PSME4: variants seen among roughly 807,000 people sequenced by gnomAD.
PSME4 encodes the protein proteasome activator complex subunit 4.
Under a neutral mutation model 253.9 loss-of-function variants are expected in PSME4, and 89 were observed. The observed-to-expected ratio is 0.35, with a 90% CI of 0.30 to 0.42. The LOEUF (loss-of-function observed/expected upper bound fraction) is 0.42. Among genes scored for constraint, PSME4 ranks in the 10% least tolerant of loss-of-function variants. The pLI is 1.00. For missense variants in PSME4, 2,014 were observed against 2,195.2 expected, an observed-to-expected ratio of 0.92 and a Z score of 1.65; for synonymous variants, 851 against 759.2, an observed-to-expected ratio of 1.12 and a Z score of -1.99.
At chr2:53,920,836 T>G in intron 18 of PSME4, 53 bp downstream of exon 18, 1 of 1,463,578 alleles carries the variant, frequency 6.8e-7, no homozygotes, top group Non-Finnish European at 9.5e-7. Context: ...TTTGAATCCC[T>G]TAAAACAAAA....
intron 3 of PSME4, among the ~76,000 whole-genome samples, chr2:53,940,726 GCAAA>G (rs1669351231): frequency 6.7e-6 from 1 of 150,152 alleles, no homozygotes; most frequent in South Asian, 2.1e-4. Context: ...GCGGTCAAAT[GCAAA>G]CAAACAATAT....
At chr2:53,919,350 G>A in intron 19 of PSME4, 104 bp from the exon 20 acceptor site, 1 of 1,365,000 alleles carries the variant, frequency 7.3e-7, no homozygotes, top group Non-Finnish European at 9.5e-7. Flanking sequence ...AAATGATTAA[G>A]GTAAAGAAAT....
chr2:53,898,584 T>G (rs1680246864), intron 29 of PSME4, among the ~76,000 whole-genome samples: 1 of 151,118 alleles, frequency 6.6e-6, no homozygotes, highest in Admixed American at 6.6e-5. Flanking sequence ...TTTTCCTGAA[T>G]GGACATGCAC....
chr2:53,919,021 C>G (rs1668183157), intron 20 of PSME4, 130 bp downstream of exon 20: 12 of 854,942 alleles, frequency 1.4e-5, no homozygotes, highest in Non-Finnish European at 2.0e-5. Context: ...GTATTTTTGA[C>G]CTTAACAGTG....
At chr2:53,885,617 C>G in intron 41 of PSME4, 73 bp downstream of exon 41, 1 of 1,106,412 alleles carries the variant, frequency 9.0e-7, no homozygotes, top group Non-Finnish European at 1.3e-6. Flanking sequence ...AGAACTTCAA[C>G]CATCAGATGA....
chr2:53,899,825 A>G, intron 29 of PSME4, 56 bp downstream of exon 29: 1 of 1,585,144 alleles, frequency 6.3e-7, no homozygotes, highest in Non-Finnish European at 8.6e-7. Flanking sequence ...CTCAAAAAAA[A>G]GCCAAAACTT....
At chr2:53,878,943 C>T (rs1301513411) in intron 41 of PSME4, among the ~76,000 whole-genome samples, 1 of 152,200 alleles carries the variant, frequency 6.6e-6, no homozygotes, top group Non-Finnish European at 1.5e-5. Flanking sequence ...TATTCATATA[C>T]TGCCTCCCCT....
chr2:53,872,790 A>G (rs1227420836), intron 43 of PSME4, among the ~76,000 whole-genome samples: 1 of 150,034 alleles, frequency 6.7e-6, no homozygotes, highest in East Asian at 1.9e-4. Context: ...AAAATGTTCT[A>G]AAAGAAGCTC....
intron 3 of PSME4, among the ~76,000 whole-genome samples, chr2:53,942,918 G>A (rs1222105152): frequency 2.0e-5 from 3 of 152,186 alleles, no homozygotes; most frequent in Non-Finnish European, 4.4e-5. Context: ...ATGATTCTGT[G>A]TGAATTTTCC....
chr2:53,921,854 C>A (rs146509664), intron 17 of PSME4, among the ~76,000 whole-genome samples: 1 of 86,956 alleles, frequency 1.2e-5, no homozygotes. Flanking sequence ...GGCGACAGAG[C>A]GAGACTCCGT....
chr2:53,921,799 C>T (rs1668335603), intron 17 of PSME4, among the ~76,000 whole-genome samples: 1 of 134,330 alleles, frequency 7.4e-6, no homozygotes, highest in Admixed American at 7.7e-5. Flanking sequence ...ACCCGGGAGG[C>T]GGAGCTTGCA....
Position 53,919,261 on chromosome 2 carries a change from A to G in PSME4, c.2421-15T>C, listed in dbSNP as rs1668195136. The G allele has an allele frequency of 6.4e-7, 1 of 1,561,904 alleles. No individual in the cohort carries two copies. The highest frequency in any genetic ancestry group is 8.6e-7 in the Non-Finnish European group (1 of 1,162,152). On this transcript the variant is annotated splice_polypyrimidine_tract_variant and intron_variant, in intron 19 of 46. Transcript: ENST00000404125. Reference sequence around the variant, plus strand: ...GAATATCATCTCTAGAAAAAAAAAAAAGACATTTTCATATTTCCAAATCCC... The same window carrying G: ...GAATATCATCTCTAGAAAAAAAAAAGAGACATTTTCATATTTCCAAATCCC...
chr2:53,969,560 T>C (rs781395211), intron 1 of PSME4, among the ~76,000 whole-genome samples: 1 of 152,224 alleles, frequency 6.6e-6, no homozygotes, highest in Admixed American at 6.5e-5. Flanking sequence ...ACCATGTTAC[T>C]AGATTTTATG....
At chr2:53,923,176 T>C in intron 15 of PSME4, 58 bp from the exon 16 acceptor site, 1 of 1,510,124 alleles carries the variant, frequency 6.6e-7, no homozygotes, top group South Asian at 1.2e-5. Context: ...TACAAGATTA[T>C]ATTTTCAGTG....
chr2:53,945,108 A>G (rs906764360), intron 3 of PSME4, among the ~76,000 whole-genome samples: 1 of 152,232 alleles, frequency 6.6e-6, no homozygotes, highest in South Asian at 2.1e-4. Context: ...AAACAAATTT[A>G]TACACATAGC....
chr2:53,964,807 G>C (rs1670639922), intron 1 of PSME4, among the ~76,000 whole-genome samples: 1 of 152,116 alleles, frequency 6.6e-6, no homozygotes, highest in South Asian at 2.1e-4. Context: ...CTACACCTAA[G>C]TTTCTGGTGG....
chr2:53,939,066 C>A (rs369772911), intron 4 of PSME4, among the ~76,000 whole-genome samples: 6 of 152,204 alleles, frequency 3.9e-5, no homozygotes, highest in Admixed American at 6.5e-5. Flanking sequence ...AAGAAGGTAA[C>A]TGCCTCGCAT....
rs780797452 is a variant in PSME4 at position 53,869,551 on chromosome 2, T to C, written c.5101-13A>G. ...CCATTTCTCGAACCTGTAGATATAATAATTTCTATTAGGACTGACATTCTA... is the reference window on the plus strand; with the variant it reads ...CCATTTCTCGAACCTGTAGATATAACAATTTCTATTAGGACTGACATTCTA... On this transcript the variant is annotated splice_polypyrimidine_tract_variant and intron_variant, in intron 43 of 46. Coordinates refer to ENST00000404125, the MANE Select transcript of PSME4 (RefSeq NM_014614.3). 6.8e-7 allele frequency: 1 copy of C among 1,480,076 alleles called. No homozygotes were observed. Among genetic ancestry groups the C allele is most frequent in the African/African-American group, 1.4e-5 (1 of 72,976 alleles). The allele number at this position is 1,480,076 out of a possible 1,614,324, so 91.7% of individuals were successfully genotyped here.
chr2:53,965,249 T>C (rs1031474889), intron 1 of PSME4, among the ~76,000 whole-genome samples: 2 of 148,886 alleles, frequency 1.3e-5, no homozygotes, highest in Middle Eastern at 3.2e-3. Context: ...CCAAGTGATT[T>C]TTTTTTTTTT....
Sources: gnomAD v4.1 joint callset for allele counts (sites outside exome capture counted in the v4.1 genomes callset) on GRCh38, gnomAD v4.1.1 for gene constraint, MANE v1.5 for transcripts, NCBI Gene and HGNC (gene_info 2026-07-23, HGNC 2026-07-21) for gene names.